The following HLCS variants were observed in gnomAD, a reference collection of about 807,000 sequenced individuals.
HLCS encodes biotin--protein ligase.
HLCS carries 53 observed loss-of-function variants against 75.0 expected under a neutral mutation model. The observed-to-expected ratio is 0.71, with a 90% CI of 0.57 to 0.89. The LOEUF (loss-of-function observed/expected upper bound fraction) is 0.89. Ranked by LOEUF, HLCS falls within the 40% of genes least tolerant of loss-of-function variation. The probability of loss-of-function intolerance (pLI) is 0.00; values close to 1 mark genes in which losing one functional copy is unlikely to be tolerated. For synonymous variants in HLCS, 431 were observed against 428.6 expected (o/e 1.01, Z -0.07); for missense variants, 966 against 1,074.0 (o/e 0.90, Z 1.41).
At chr21:36,966,837 G>C, upstream of HLCS, among the ~76,000 whole-genome samples, 1 of 142,350 alleles carries the variant, frequency 7.0e-6, no homozygotes, top group East Asian at 2.2e-4. Context: ...GGGTGAGGCC[G>C]CGCCCGGCTG....
At chr21:36,867,772 T>C (rs2063609213) in intron 6 of HLCS, among the ~76,000 whole-genome samples, 2 of 152,230 alleles carry the variant, frequency 1.3e-5, no homozygotes, top group African/African-American at 2.4e-5. Context: ...CATGCCCTTC[T>C]TTTAAAGCCA....
At chr21:36,854,147 C>T (rs1408841245) in intron 6 of HLCS, among the ~76,000 whole-genome samples, 3 of 152,120 alleles carry the variant, frequency 2.0e-5, no homozygotes, top group Non-Finnish European at 4.4e-5. Flanking sequence ...ACATGAGACT[C>T]TTTGAACGTC....
intron 5 of HLCS, among the ~76,000 whole-genome samples, chr21:36,906,244 A>C (rs1486094994): frequency 6.6e-6 from 1 of 152,108 alleles, no homozygotes; most frequent in East Asian, 1.9e-4. Flanking sequence ...AAAATTAAAG[A>C]TGTCTGAGCA....
At chr21:36,800,120 G>A (rs767753007) in intron 6 of HLCS, among the ~76,000 whole-genome samples, 21 of 152,084 alleles carry the variant, frequency 1.4e-4, no homozygotes, top group Non-Finnish European at 2.5e-4. Flanking sequence ...ATCACTGTGA[G>A]CTCAAATGAC....
chr21:36,890,141 T>C (rs1357313368), intron 6 of HLCS, among the ~76,000 whole-genome samples: 1 of 152,202 alleles, frequency 6.6e-6, no homozygotes, highest in African/African-American at 2.4e-5. Flanking sequence ...CCGCCACGAT[T>C]GTAAGTCTCC....
In HLCS at chr21:36,754,337, A is replaced by G; in HGVS notation, c.2531T>C (p.Val844Ala). The change falls in exon 11 of 11, where the codon GTT becomes GCT. Residue 844 changes from valine to alanine, a missense_variant. Physicochemically the swap from Val to Ala is moderately conservative, Grantham distance 64. Transcript: ENST00000674895. ...CACAACCTCGCCGCCCTCCTGGTGA[A>G]CCTGGAGGAAGCCAGAATCGTCCAG... ...VGLDDSGFLQ[V>A]HQEGGEVVTV... 1.9e-6 allele frequency: 3 copies of G among 1,614,056 alleles called. No homozygotes were observed. Among genetic ancestry groups the G allele is most frequent in the Non-Finnish European group, 2.5e-6 (3 of 1,180,004 alleles).
intron 7 of HLCS, among the ~76,000 whole-genome samples, chr21:36,765,957 T>TGGGGGGGG (rs1390996971): frequency 2.6e-5 from 4 of 152,140 alleles, no homozygotes; most frequent in Non-Finnish European, 5.9e-5. Context: ...ACACTTTAAA[T>TGGGGGGGG]GGAGGAATTA....
intron 6 of HLCS, among the ~76,000 whole-genome samples, chr21:36,819,925 T>C (rs1307729960): frequency 6.6e-6 from 1 of 152,192 alleles, no homozygotes; most frequent in Non-Finnish European, 1.5e-5. Flanking sequence ...GCTTGTTAAA[T>C]GATAGGGTCA....
intron 5 of HLCS, among the ~76,000 whole-genome samples, chr21:36,898,282 C>T (rs2065092395): frequency 6.6e-6 from 1 of 151,782 alleles, no homozygotes; most frequent in African/African-American, 2.4e-5. Context: ...TCCGTCTCTA[C>T]TAAAAATACA....
intron 1 of HLCS, among the ~76,000 whole-genome samples, chr21:36,986,420 G>A (rs983436215): frequency 3.3e-5 from 5 of 152,126 alleles, no homozygotes; most frequent in African/African-American, 4.8e-5. Context: ...GTAACTTTTC[G>A]TTTGTTTTTT....
chr21:36,778,031 C>A (rs901655624), intron 6 of HLCS, among the ~76,000 whole-genome samples: 3 of 152,094 alleles, frequency 2.0e-5, no homozygotes, highest in African/African-American at 7.2e-5. Context: ...TGCAGTGGCA[C>A]GATCTCAGCT....
intron 5 of HLCS, among the ~76,000 whole-genome samples, chr21:36,911,097 T>C (rs150654542): frequency 0.01 from 1,557 of 152,308 alleles, 101 homozygotes; most frequent in Admixed American, 0.094. Context: ...AAAATTGAGA[T>C]ATTTCATATC....
At chr21:36,825,367 A>G (rs1206339747) in intron 6 of HLCS, among the ~76,000 whole-genome samples, 1 of 152,172 alleles carries the variant, frequency 6.6e-6, no homozygotes, top group Admixed American at 6.5e-5. Flanking sequence ...CAGCCTGGAC[A>G]ACAGAGTGAG....
chr21:36,920,104 G>A (rs776628953), intron 5 of HLCS, among the ~76,000 whole-genome samples: 21 of 152,112 alleles, frequency 1.4e-4, no homozygotes, highest in Non-Finnish European at 1.6e-4. Context: ...AAGCTGAGGC[G>A]GAAGAATTGT....
intron 5 of HLCS, among the ~76,000 whole-genome samples, chr21:36,899,843 C>T (rs2065163519): frequency 6.6e-6 from 1 of 152,174 alleles, no homozygotes; most frequent in Non-Finnish European, 1.5e-5. Context: ...GTGGCTCAGG[C>T]CTGTAATCCC....
intron 6 of HLCS, among the ~76,000 whole-genome samples, chr21:36,830,804 A>C (rs1339201212): frequency 7.0e-6 from 1 of 143,388 alleles, no homozygotes; most frequent in African/African-American, 2.6e-5. Flanking sequence ...CCTGGGCAAC[A>C]GAGTGAGACC....
chr21:36,907,578 C>T (rs140992196), intron 5 of HLCS, among the ~76,000 whole-genome samples: 115 of 152,142 alleles, frequency 7.6e-4, no homozygotes, highest in African/African-American at 2.6e-3. Context: ...ATTGCTTCAA[C>T]CCAGGAGGCG....
chr21:36,800,743 C>A (rs1015296079), intron 6 of HLCS, among the ~76,000 whole-genome samples: 4 of 152,142 alleles, frequency 2.6e-5, no homozygotes, highest in African/African-American at 9.7e-5. Context: ...TGCTTCACTT[C>A]AAGTAAAAGA....
intron 2 of HLCS, among the ~76,000 whole-genome samples, chr21:36,959,564 G>A (rs912949350): frequency 5.3e-5 from 8 of 152,234 alleles, no homozygotes; most frequent in Admixed American, 4.6e-4. Flanking sequence ...TCAGTTCCAG[G>A]TGAAGCCTGT....
Sources: gnomAD v4.1 joint callset for allele counts (sites outside exome capture counted in the v4.1 genomes callset) on GRCh38, gnomAD v4.1.1 for gene constraint, MANE v1.5 for transcripts, NCBI Gene and HGNC (gene_info 2026-07-23, HGNC 2026-07-21) for gene names.